The following NT5C2 variants were observed in gnomAD, a reference collection of about 807,000 sequenced individuals.
NT5C2 encodes the protein cytosolic purine 5'-nucleotidase.
NT5C2 carries 58 observed loss-of-function variants against 76.1 expected under a neutral mutation model. That is an observed-to-expected ratio of 0.76 (90% CI 0.62 to 0.95). The LOEUF is 0.95. Among genes scored for constraint, NT5C2 ranks in the 40% least tolerant of loss-of-function variants. The pLI, the probability that NT5C2 is intolerant of heterozygous loss-of-function variation, is 0.00. For synonymous variants in NT5C2, 229 were observed against 237.4 expected, an observed-to-expected ratio of 0.96 and a Z score of 0.32; for missense variants, 478 against 690.3, an observed-to-expected ratio of 0.69 and a Z score of 3.45.
rs545125517 is a variant in NT5C2, at chr10:103,088,048, A to T, written c.*1624T>A. ...CATGTTAGAACATAATCAGTTCTTG[A>T]ATATTTATTTCCTTTAAGAGAATAT... On this transcript the variant is annotated 3_prime_UTR_variant, in exon 19 of 19. Coordinates refer to ENST00000404739, the MANE Select transcript of NT5C2 (RefSeq NM_001351169.2). The T allele has an allele frequency of 6.6e-6, 1 of 152,118 alleles. No homozygotes were observed. Among genetic ancestry groups the T allele is most frequent in the Non-Finnish European group, 1.5e-5 (1 of 67,940 alleles). 9.4% of individuals were successfully genotyped at this position (152,118 alleles called of 1,614,324 possible).
intron 2 of NT5C2, among the ~76,000 whole-genome samples, chr10:103,179,494 C>G (rs1041717471): frequency 6.6e-6 from 1 of 151,772 alleles, no homozygotes; most frequent in Non-Finnish European, 1.5e-5. Context: ...CAAACAACAA[C>G]TGCACCCAAG....
intron 12 of NT5C2, among the ~76,000 whole-genome samples, chr10:103,094,800 T>C (rs906637285): frequency 6.6e-6 from 1 of 150,462 alleles, no homozygotes; most frequent in Admixed American, 6.7e-5. Flanking sequence ...GAGAATCGCT[T>C]GAACCTAGGA....
At chr10:103,168,907 T>C (rs996369325) in intron 3 of NT5C2, among the ~76,000 whole-genome samples, 4 of 152,182 alleles carry the variant, frequency 2.6e-5, no homozygotes, top group Non-Finnish European at 4.4e-5. Flanking sequence ...CAATGATAAA[T>C]TACCAATCCA....
intron 3 of NT5C2, chr10:103,153,883 G>A: frequency 7.1e-6 from 5 of 702,040 alleles, no homozygotes; most frequent in Non-Finnish European, 8.8e-6. Flanking sequence ...GGAACCTAAA[G>A]TATTTCCACA....
At chr10:103,163,608 T>C (rs1591634631) in intron 3 of NT5C2, among the ~76,000 whole-genome samples, 1 of 152,134 alleles carries the variant, frequency 6.6e-6, no homozygotes, top group Admixed American at 6.6e-5. Context: ...TTGGTTATTT[T>C]CATATTGTTA....
At chr10:103,117,797 A>C (rs2074710970) in intron 4 of NT5C2, among the ~76,000 whole-genome samples, 1 of 152,170 alleles carries the variant, frequency 6.6e-6, no homozygotes, top group African/African-American at 2.4e-5. Flanking sequence ...TATTCTAGAT[A>C]TCCTCCCTGG....
chr10:103,096,927 C>T (rs896170129), intron 11 of NT5C2, among the ~76,000 whole-genome samples: 16 of 149,970 alleles, frequency 1.1e-4, no homozygotes, highest in African/African-American at 3.7e-4. Context: ...TCTATTGCTG[C>T]AGGTCTTCCA....
At position 103,094,354 on chromosome 10, in the gene NT5C2, C is replaced by T. The variant is rs1324696028; in HGVS notation, c.915G>A (p.Val305=). 3 of 1,581,516 alleles carry T rather than the reference C, an allele frequency of 1.9e-6. No individual in the cohort carries two copies. Among genetic ancestry groups the T allele is most frequent in the South Asian group, 2.2e-5 (2 of 90,366 alleles). The change falls in exon 13 of 19, where the codon GTG becomes GTA. Residue 305 remains valine, a synonymous_variant. Coordinates refer to ENST00000404739, the MANE Select transcript of NT5C2 (RefSeq NM_001351169.2). ...GATCATTCTCATGACTTACAGTATCCACCTGACGCAGTACTGTGCCTTCTC... is the reference window on the plus strand; with the variant it reads ...GATCATTCTCATGACTTACAGTATCTACCTGACGCAGTACTGTGCCTTCTC... ...FFGEGTVLRQ[V]DTKTGKLKIG...
intron 3 of NT5C2, chr10:103,153,164 T>C: frequency 1.9e-6 from 1 of 538,426 alleles, no homozygotes; most frequent in Non-Finnish European, 2.7e-6. Context: ...TTGGGCTGAA[T>C]TTCTTTCAAT....
chr10:103,149,563 T>C (rs1205395096), intron 3 of NT5C2, among the ~76,000 whole-genome samples: 2 of 152,194 alleles, frequency 1.3e-5, no homozygotes, highest in Non-Finnish European at 2.9e-5. Flanking sequence ...TAATTAAGCA[T>C]AGGCTTTTCC....
intron 9 of NT5C2, among the ~76,000 whole-genome samples, chr10:103,099,357 G>A (rs911588634): frequency 6.6e-6 from 1 of 152,142 alleles, no homozygotes; most frequent in Non-Finnish European, 1.5e-5. Context: ...TTACAGGCAT[G>A]AGCCATCATG....
rs1466026056 is a variant in NT5C2 at position 103,094,029 on chromosome 10, T to G, written c.931A>C (p.Lys311Gln). ...VLRQVDTKTG[K>Q]LKIGTYTGPL... ...CCTGTGTAGGTACCAATTTTCAGCTTGCCAGTTTTCTGTATGAAGAATATG... is the reference window on the plus strand; with the variant it reads ...CCTGTGTAGGTACCAATTTTCAGCTGGCCAGTTTTCTGTATGAAGAATATG... The change falls in exon 14 of 19, where the codon AAG (lysine) becomes CAG (glutamine). Residue 311 changes from lysine (K) to glutamine (Q), a missense_variant. Physicochemically the swap from Lys to Gln is moderately conservative, Grantham distance 53. Coordinates refer to ENST00000404739, the MANE Select transcript of NT5C2 (RefSeq NM_001351169.2). 1 of 1,613,596 alleles carries G rather than the reference T, an allele frequency of 6.2e-7. No individual in the cohort carries two copies. Among genetic ancestry groups the G allele is most frequent in the South Asian group, 1.1e-5 (1 of 91,068 alleles).
In NT5C2 at chr10:103,089,456, A is replaced by G; in HGVS notation, c.*216T>C. The stretch of plus-strand genomic sequence containing the variant: ...GATTTTACCCTTATTTTCTTCTAAT[A>G]CAGACTCCATTACAATTTTGGACCA... On this transcript the variant is annotated 3_prime_UTR_variant, in exon 19 of 19. Coordinates refer to ENST00000404739, the MANE Select transcript of NT5C2 (RefSeq NM_001351169.2). 1.4e-6 allele frequency: 1 copy of G among 694,114 alleles called. No homozygotes were observed. The highest frequency in any genetic ancestry group is 4.4e-4 in the Middle Eastern group (1 of 2,248). The allele number at this position is 694,114 out of a possible 1,614,324, so 43.0% of individuals were successfully genotyped here.
intron 4 of NT5C2, among the ~76,000 whole-genome samples, chr10:103,126,806 G>T (rs772816845): frequency 6.6e-6 from 1 of 152,002 alleles, no homozygotes; most frequent in Non-Finnish European, 1.5e-5. Flanking sequence ...ACTTATATGC[G>T]GATTTTTTAT....
At chr10:103,138,989 A>G (rs979372289) in intron 4 of NT5C2, among the ~76,000 whole-genome samples, 6 of 152,122 alleles carry the variant, frequency 3.9e-5, no homozygotes, top group South Asian at 2.1e-4. Flanking sequence ...CCTGGAGGAC[A>G]AGAGCGAAAC....
At chr10:103,129,764 C>T (rs1334274865) in intron 4 of NT5C2, among the ~76,000 whole-genome samples, 3 of 101,564 alleles carry the variant, frequency 3.0e-5, no homozygotes, top group African/African-American at 3.7e-5. Context: ...GGGGTGTCAG[C>T]CCCCCGCCCG....
At chr10:103,186,446 G>GT (rs2092019451) in intron 1 of NT5C2, among the ~76,000 whole-genome samples, 1 of 152,202 alleles carries the variant, frequency 6.6e-6, no homozygotes, top group African/African-American at 2.4e-5. Flanking sequence ...ATCAGAGGCT[G>GT]TAACAATTTC....
At chr10:103,156,950 G>A (rs914856083) in intron 3 of NT5C2, among the ~76,000 whole-genome samples, 3 of 151,864 alleles carry the variant, frequency 2.0e-5, no homozygotes, top group Non-Finnish European at 1.5e-5. Context: ...CCAGCTACTC[G>A]GGAGGCTGAG....
At chr10:103,139,563 G>C in intron 3 of NT5C2, 84 bp from the exon 4 acceptor site, 1 of 952,026 alleles carries the variant, frequency 1.1e-6, no homozygotes, top group Non-Finnish European at 1.5e-6. Context: ...ATTTTTCTAG[G>C]TTTTCTCATT....
Sources: gnomAD v4.1 joint callset for allele counts (sites outside exome capture counted in the v4.1 genomes callset) on GRCh38, gnomAD v4.1.1 for gene constraint, MANE v1.5 for transcripts, NCBI Gene and HGNC (gene_info 2026-07-23, HGNC 2026-07-21) for gene names.